Variants in SIGLEC1 observed in about 807,000 individuals in gnomAD.
SIGLEC1 encodes sialic acid binding Ig like lectin 1, also known as sialoadhesin.
SIGLEC1 carries 132 observed loss-of-function variants against 148.0 expected under a neutral mutation model. The observed-to-expected ratio is 0.89, with a 90% CI of 0.77 to 1.03. SIGLEC1 has a LOEUF of 1.03. Ranked by LOEUF, SIGLEC1 falls within the 50% of genes least tolerant of loss-of-function variation. The pLI, the probability that SIGLEC1 is intolerant of heterozygous loss-of-function variation, is 0.00. For synonymous variants in SIGLEC1, 945 were observed against 969.0 expected (o/e 0.98, Z 0.46); for missense variants, 2,253 against 2,271.4 (o/e 0.99, Z 0.16).
intron 2 of SIGLEC1, 91 bp from the exon 3 acceptor site, chr20:3,706,797 C>T: frequency 1.4e-6 from 2 of 1,416,732 alleles, no homozygotes; most frequent in Non-Finnish European, 1.9e-6. Flanking sequence ...AGAAGGTGCC[C>T]CAGCTGGGCT....
chr20:3,706,570 G>A lies in SIGLEC1; in HGVS notation c.186C>T (p.Asp62=), dbSNP rs758425728. Residue 62 remains aspartate (D), a synonymous_variant, in exon 3 of 22, where the codon GAC becomes GAT. Transcript: ENST00000344754. ...TCACCACCTGCCGCTGGCCCGAGTA[G>A]TCGTAGTACCAGATGGCCGTGATGC... The part of the protein sequence containing the change: ...PDGITAIWYY[D]YSGQRQVVSH... 1 of 1,612,768 alleles carries A rather than the reference G, an allele frequency of 6.2e-7. No homozygotes were observed. Among genetic ancestry groups the A allele is most frequent in the Non-Finnish European group, 8.5e-7 (1 of 1,179,790 alleles).
intron 13 of SIGLEC1, 74 bp downstream of exon 13, chr20:3,694,147 T>A: frequency 6.7e-7 from 1 of 1,490,208 alleles, no homozygotes; most frequent in Non-Finnish European, 9.0e-7. Flanking sequence ...TCTAGAACCC[T>A]GTCCCACCTC....
intron 13 of SIGLEC1, 123 bp from the exon 14 acceptor site, chr20:3,693,821 G>T: frequency 1.9e-6 from 2 of 1,050,496 alleles, no homozygotes; most frequent in East Asian, 2.6e-5. Flanking sequence ...TGGGAGCCTT[G>T]GGTGGCCCAC....
At chr20:3,690,991 G>C (rs533828544) in intron 18 of SIGLEC1, among the ~76,000 whole-genome samples, 3 of 151,936 alleles carry the variant, frequency 2.0e-5, no homozygotes, top group African/African-American at 7.2e-5. Flanking sequence ...CCTTCATGCC[G>C]TGCTAATTCT....
chr20:3,689,945 G>C lies in SIGLEC1; in HGVS notation c.4894+17C>G. Reference sequence around the variant, plus strand: ...TTTGTGCAGAGTGGCCTGGGAGATGGAGCCCCCTCCCCTCACCTCTGACCC... The same window carrying C: ...TTTGTGCAGAGTGGCCTGGGAGATGCAGCCCCCTCCCCTCACCTCTGACCC... On this transcript the variant is annotated intron_variant, in intron 19 of 21. Coordinates refer to ENST00000344754, the MANE Select transcript of SIGLEC1 (RefSeq NM_023068.4). The C allele has an allele frequency of 3.1e-6, 5 of 1,601,816 alleles. No individual in the cohort carries two copies. Among genetic ancestry groups the C allele is most frequent in the Non-Finnish European group, 4.3e-6 (5 of 1,172,456 alleles).
rs1328595401 is a variant in SIGLEC1 at position 3,694,518 on chromosome 20, C to A, written c.2959G>T (p.Val987Phe). ...SLHVSYAPRH[V>F]TLTTLMDTGP... The stretch of plus-strand genomic sequence containing the variant: ...GTGTCCATCAGGGTAGTGAGTGTGA[C>A]GTGGCGTGGGGCATCTACACAGGGT... The change falls in exon 13 of 22, where the codon GTC (valine) becomes TTC (phenylalanine). Residue 987 changes from valine (V) to phenylalanine (F), a missense_variant. Coordinates refer to ENST00000344754, the MANE Select transcript of SIGLEC1 (RefSeq NM_023068.4). 6.4e-7 allele frequency: 1 copy of A among 1,560,114 alleles called. No individual in the cohort carries two copies. Among genetic ancestry groups the A allele is most frequent in the Non-Finnish European group, 8.7e-7 (1 of 1,150,144 alleles).
rs768090727 is a variant in SIGLEC1 at position 3,706,043 on chromosome 20, G to A, written c.410-3C>T. 3.1e-6 allele frequency: 5 copies of A among 1,611,160 alleles called. No individual in the cohort carries two copies. Among genetic ancestry groups the A allele is most frequent in the African/African-American group, 2.7e-5 (2 of 74,904 alleles). ...AATGGTGGGCACCCTGGGCTCCTCT[G>A]AGGACAGAGACAGCAGTGCTCAGGA... On this transcript the variant is annotated splice_region_variant and splice_polypyrimidine_tract_variant and intron_variant, in intron 3 of 21. Transcript: ENST00000344754.
At position 3,691,464 on chromosome 20, in the gene SIGLEC1, G is replaced by C. The variant is rs772977310; in HGVS notation, c.4467C>G (p.His1489Gln). The change falls in exon 18 of 22, where the codon CAC becomes CAG. Residue 1489 changes from histidine (H) to glutamine (Q), a missense_variant. Physicochemically the swap from His to Gln is conservative, Grantham distance 24. Coordinates refer to ENST00000344754, the MANE Select transcript of SIGLEC1 (RefSeq NM_023068.4). ...AGGCGAGAGTGGGCACAGGCTCCGC[G>C]TGCAGCCGCCGGTCATTCCAGAACC... ...FAWFWNDRRL[H>Q]AEPVPTLAFT... 4 of 1,613,050 alleles carry C rather than the reference G, an allele frequency of 2.5e-6. No homozygotes were observed. In the African/African-American group the frequency reaches 5.3e-5, roughly 22 times the overall value.
chr20:3,708,725 T>C (rs2087912416), intron 1 of SIGLEC1, among the ~76,000 whole-genome samples: 1 of 151,654 alleles, frequency 6.6e-6, no homozygotes, highest in South Asian at 2.1e-4. Context: ...CACTCCAGCC[T>C]GGGTGACAGA....
rs767034605 is a variant in SIGLEC1 at position 3,693,121 on chromosome 20, G to A, written c.3519C>T (p.Arg1173=). 1 of 1,563,862 alleles carries A rather than the reference G, an allele frequency of 6.4e-7. No homozygotes were observed. The highest frequency in any genetic ancestry group is 8.6e-7 in the Non-Finnish European group (1 of 1,160,110). ...PITLDVLYAP[R]NLRLTYLLES... ...CCAGGAGGTAGGTCAGGCGCAGGTT[G>A]CGGGGCGCGTCTGCAGGGCATGAGA... The change falls in exon 15 of 22, where the codon CGC becomes CGT. Residue 1173 remains arginine (R), a synonymous_variant. Coordinates refer to ENST00000344754, the MANE Select transcript of SIGLEC1 (RefSeq NM_023068.4).
intron 5 of SIGLEC1, 110 bp from the exon 6 acceptor site, chr20:3,703,561 C>A: frequency 1.5e-6 from 2 of 1,359,534 alleles, no homozygotes; most frequent in Non-Finnish European, 2.0e-6. Context: ...ACATCCTACA[C>A]CACCCGCCTG....
At chr20:3,709,770 T>C (rs1029820445) in intron 1 of SIGLEC1, among the ~76,000 whole-genome samples, 1 of 152,200 alleles carries the variant, frequency 6.6e-6, no homozygotes, top group African/African-American at 2.4e-5. Context: ...ATGTGAACCT[T>C]GAAAACATTA....
At chr20:3,706,115 G>A (rs1400316004) in intron 3 of SIGLEC1, 75 bp from the exon 4 acceptor site, 21 of 1,493,200 alleles carry the variant, frequency 1.4e-5, no homozygotes, top group Admixed American at 3.6e-5. Context: ...AACCCCAGCT[G>A]AGGAGAGAGC....
At position 3,688,061 on chromosome 20, in the gene SIGLEC1, T is replaced by G. The variant is rs1056845129; in HGVS notation, c.*499A>C. ...GATAGAAGGATCCTGAGCCCCAACATCATAAACCATCGTAACAGCCAGACT... is the reference window on the plus strand; with the variant it reads ...GATAGAAGGATCCTGAGCCCCAACAGCATAAACCATCGTAACAGCCAGACT... On this transcript the variant is annotated 3_prime_UTR_variant, in exon 22 of 22. Transcript: ENST00000344754. 1 of 178,940 alleles carries G rather than the reference T, an allele frequency of 5.6e-6. No individual in the cohort carries two copies. Among genetic ancestry groups the G allele is most frequent in the Non-Finnish European group, 1.2e-5 (1 of 83,970 alleles). The allele number at this position is 178,940 out of a possible 1,614,324, so 11.1% of individuals were successfully genotyped here.
At chr20:3,709,742 A>G (rs1000055489) in intron 1 of SIGLEC1, among the ~76,000 whole-genome samples, 6 of 152,270 alleles carry the variant, frequency 3.9e-5, no homozygotes, top group African/African-American at 1.4e-4. Flanking sequence ...GGCCATAAGG[A>G]GGAATGAATT....
Position 3,687,179 on chromosome 20 carries a change from G to C in SIGLEC1, c.*1381C>G, listed in dbSNP as rs557665093. On this transcript the variant is annotated 3_prime_UTR_variant, in exon 22 of 22. Transcript: ENST00000344754. The stretch of plus-strand genomic sequence containing the variant: ...TCTCTGTTTTTCAACCCAAATCCTA[G>C]AGCAGAGGGCTCTTCGCTCCTCACA... 1.3e-5 allele frequency: 2 copies of C among 152,336 alleles called. No homozygotes were observed. Among genetic ancestry groups the C allele is most frequent in the South Asian group, 4.1e-4 (2 of 4,834 alleles). 9.4% of individuals were successfully genotyped at this position (152,336 alleles called of 1,614,324 possible). A position where few individuals can be genotyped will look rare whatever the true frequency, so the allele number is the denominator to read the frequency against.
At chr20:3,700,024 T>C (rs2087837516) in intron 7 of SIGLEC1, among the ~76,000 whole-genome samples, 1 of 148,930 alleles carries the variant, frequency 6.7e-6, no homozygotes. Flanking sequence ...GCCAGGCAGA[T>C]CTCGAACTCC....
chr20:3,712,334 G>A (rs1377476963), intron 1 of SIGLEC1, among the ~76,000 whole-genome samples, 136 bp downstream of exon 1: 1 of 150,810 alleles, frequency 6.6e-6, no homozygotes, highest in Non-Finnish European at 1.5e-5. Context: ...ACTTGGGTTG[G>A]TTTGGGGTCC....
Position 3,692,112 on chromosome 20 carries a change from G to T in SIGLEC1, c.4121C>A (p.Pro1374His), listed in dbSNP as rs1462306967. ...VIQCTVDSEP[P>H]AELALSHDGK... Reference sequence around the variant, plus strand: ...ATCATGAGATAGGGCCAGCTCAGCAGGTGGCTCACTGTCCACAGTGCACTG... The same window carrying T: ...ATCATGAGATAGGGCCAGCTCAGCATGTGGCTCACTGTCCACAGTGCACTG... The change falls in exon 17 of 22, where the codon CCT becomes CAT. Residue 1374 changes from proline to histidine, a missense_variant. By Grantham distance (77) the Pro-to-His change is moderately conservative. Transcript: ENST00000344754. 2 of 1,607,394 alleles carry T rather than the reference G, an allele frequency of 1.2e-6. No homozygotes were observed. The highest frequency in any genetic ancestry group is 1.7e-6 in the Non-Finnish European group (2 of 1,178,486).
Sources: gnomAD v4.1 joint callset for allele counts (sites outside exome capture counted in the v4.1 genomes callset) on GRCh38, gnomAD v4.1.1 for gene constraint, MANE v1.5 for transcripts, NCBI Gene and HGNC (gene_info 2026-07-23, HGNC 2026-07-21) for gene names.